The following NKAIN3 variants were observed in gnomAD, a reference collection of about 807,000 sequenced individuals.
The protein encoded by NKAIN3 is sodium/potassium-transporting ATPase subunit beta-1-interacting protein 3.
NKAIN3 carries 25 observed loss-of-function variants against 30.2 expected under a neutral mutation model. That is an observed-to-expected ratio of 0.83 (90% CI 0.60 to 1.16). NKAIN3 has a LOEUF of 1.16. Among genes scored for constraint, NKAIN3 ranks in the 50% most tolerant of loss-of-function variants. The probability of loss-of-function intolerance (pLI) is 0.00; values close to 1 mark genes in which losing one functional copy is unlikely to be tolerated. For synonymous variants in NKAIN3, 91 were observed against 89.6 expected, an observed-to-expected ratio of 1.02 and a Z score of -0.09; for missense variants, 225 against 254.1, an observed-to-expected ratio of 0.89 and a Z score of 0.78.
chr8:62,385,091 A>C (rs16928842), intron 1 of NKAIN3, among the ~76,000 whole-genome samples: 21,022 of 152,100 alleles, frequency 0.14, 1,734 homozygotes, highest in East Asian at 0.4. Context: ...GAAACAGACA[A>C]CACAATGTAA....
intron 4 of NKAIN3, among the ~76,000 whole-genome samples, chr8:62,835,599 A>G (rs533731728): frequency 6.6e-6 from 1 of 152,288 alleles, no homozygotes; most frequent in East Asian, 1.9e-4. Context: ...ATTGCTCAAT[A>G]TCATTATTCA....
At chr8:62,821,972 G>A (rs1348686689) in intron 4 of NKAIN3, among the ~76,000 whole-genome samples, 3 of 151,572 alleles carry the variant, frequency 2.0e-5, no homozygotes, top group African/African-American at 4.8e-5. Flanking sequence ...GCCTTGCTAC[G>A]GAAAAGCCTT....
At chr8:62,764,303 T>C (rs1034593681) in intron 4 of NKAIN3, among the ~76,000 whole-genome samples, 1 of 152,196 alleles carries the variant, frequency 6.6e-6, no homozygotes, top group African/African-American at 2.4e-5. Context: ...GGCTTTATTA[T>C]TTCTATATAT....
chr8:62,363,181 G>A (rs1294991431), intron 1 of NKAIN3, among the ~76,000 whole-genome samples: 6 of 152,208 alleles, frequency 3.9e-5, no homozygotes, highest in Admixed American at 3.3e-4. Context: ...TTCTGCTGCA[G>A]TCAATAGAAG....
intron 1 of NKAIN3, among the ~76,000 whole-genome samples, chr8:62,467,494 G>GCTCTGTCATA (rs1360100938): frequency 6.6e-6 from 1 of 151,954 alleles, no homozygotes; most frequent in African/African-American, 2.4e-5. Context: ...AATATAATTG[G>GCTCTGTCATA]CTCTGTCATA....
At chr8:62,337,262 G>A (rs906218124) in intron 1 of NKAIN3, among the ~76,000 whole-genome samples, 13 of 152,008 alleles carry the variant, frequency 8.6e-5, no homozygotes, top group Non-Finnish European at 1.8e-4. Flanking sequence ...TATTGAAAAG[G>A]AAGAGAGAGA....
chr8:62,369,889 C>T (rs902385685), intron 1 of NKAIN3, among the ~76,000 whole-genome samples: 1 of 151,730 alleles, frequency 6.6e-6, no homozygotes, highest in African/African-American at 2.4e-5. Context: ...TTGAGATAAA[C>T]TTACTGCTTA....
chr8:62,854,852 A>T (rs148101048), intron 4 of NKAIN3, among the ~76,000 whole-genome samples: 135 of 152,122 alleles, frequency 8.9e-4, no homozygotes, highest in African/African-American at 3.1e-3. Context: ...TCCTTTCCAT[A>T]TTTAGTGCTT....
chr8:62,261,385 GAA>G (rs1812435788), intron 1 of NKAIN3, among the ~76,000 whole-genome samples: 1 of 152,154 alleles, frequency 6.6e-6, no homozygotes, highest in African/African-American at 2.4e-5. Flanking sequence ...AAATGATTCA[GAA>G]CTGATAATGG....
At chr8:62,528,143 C>G (rs11786601) in intron 1 of NKAIN3, among the ~76,000 whole-genome samples, 1 of 149,922 alleles carries the variant, frequency 6.7e-6, no homozygotes, top group South Asian at 2.1e-4. Flanking sequence ...CATGGGTGGC[C>G]CCCAATTCAT....
intron 1 of NKAIN3, among the ~76,000 whole-genome samples, chr8:62,345,745 G>T (rs76705427): frequency 0.039 from 5,933 of 151,542 alleles, 422 homozygotes; most frequent in African/African-American, 0.14. Flanking sequence ...CTTTCCAAAT[G>T]GGGATATCCT....
At chr8:62,830,418 T>C (rs77291996) in intron 4 of NKAIN3, among the ~76,000 whole-genome samples, 13,559 of 152,126 alleles carry the variant, frequency 0.089, 852 homozygotes, top group East Asian at 0.27. Context: ...ATATAAATGG[T>C]AAATAGCATT....
Position 62,971,890 on chromosome 8 carries a change from A to G in NKAIN3, c.*6483A>G, listed in dbSNP as rs1823843409. On this transcript the variant is annotated 3_prime_UTR_variant, in exon 7 of 7. Coordinates refer to ENST00000623646, the MANE Select transcript of NKAIN3 (RefSeq NM_001304533.3). Reference sequence around the variant, plus strand: ...TCCTTATCTTGTCTTTGTGGTTAGAAAGAAATGAAAATAAATCAGTAGCAC... The same window carrying G: ...TCCTTATCTTGTCTTTGTGGTTAGAGAGAAATGAAAATAAATCAGTAGCAC... Among the ~76,000 whole-genome samples, 1 of 152,206 alleles carries G rather than the reference A, an allele frequency of 6.6e-6. No homozygotes were observed. The highest frequency in any genetic ancestry group is 1.5e-5 in the Non-Finnish European group (1 of 68,042).
chr8:62,698,613 C>T (rs1379989106), intron 3 of NKAIN3, among the ~76,000 whole-genome samples: 2 of 152,168 alleles, frequency 1.3e-5, no homozygotes, highest in Non-Finnish European at 2.9e-5. Flanking sequence ...TACATATACT[C>T]TACTGTGTAC....
chr8:62,944,074 T>C lies in NKAIN3; in HGVS notation c.533-9828T>C, dbSNP rs563998440. ...GGCACAGTGTATACTGCTTGGGTGA[T>C]GGGTGCACCAAAATCTCAGAAATCA... On this transcript the variant is annotated intron_variant, in intron 5 of 6. Transcript: ENST00000623646. 3.1e-4 allele frequency among the ~76,000 whole-genome samples: 47 copies of C among 152,154 alleles called. 1 individual carries two copies. The Middle Eastern group carries it at 0.01, about 33-fold the overall frequency.
rs191115456 is a variant in NKAIN3 at position 62,911,353 on chromosome 8, G to T, written c.472-7100G>T. ...TGTGGGATTTAACTTACCTGAGTTT[G>T]TTGTGGAGGAATAATCATTGGAATA... On this transcript the variant is annotated intron_variant, in intron 4 of 6. Coordinates refer to ENST00000623646, the MANE Select transcript of NKAIN3 (RefSeq NM_001304533.3). 2.5e-3 allele frequency among the ~76,000 whole-genome samples: 377 copies of T among 152,172 alleles called. 2 individuals carry two copies. The highest frequency in any genetic ancestry group is 8.9e-3 in the African/African-American group (368 of 41,524).
chr8:62,853,914 G>C (rs1819986639), intron 4 of NKAIN3, among the ~76,000 whole-genome samples: 1 of 152,104 alleles, frequency 6.6e-6, no homozygotes, highest in Non-Finnish European at 1.5e-5. Flanking sequence ...GCTCTCATTA[G>C]TTTCAAAGAA....
chr8:62,373,923 G>A (rs1462481715), intron 1 of NKAIN3, among the ~76,000 whole-genome samples: 2 of 151,736 alleles, frequency 1.3e-5, no homozygotes, highest in Non-Finnish European at 2.9e-5. Context: ...AACCAACCTG[G>A]GCAACATGGT....
Position 62,249,239 on chromosome 8 carries a change from G to A in NKAIN3, c.54+112G>A, listed in dbSNP as rs554753283. ...GGCAAGGGGCGAACGGGTGAACAGG[G>A]CGCTCCGCCCGCCTCCCACCCTCCC... is the stretch of plus-strand genomic sequence containing the variant. On this transcript the variant is annotated intron_variant, in intron 1 of 6. Transcript: ENST00000623646. The A allele has an allele frequency of 3.6e-3, 3,235 of 905,222 alleles. 13 individuals carry two copies. Among genetic ancestry groups the A allele is most frequent in the Non-Finnish European group, 4.3e-3 (2,663 of 625,082 alleles). 56.1% of individuals were successfully genotyped at this position (905,222 alleles called of 1,614,324 possible).
Sources: allele counts gnomAD v4.1 joint callset (sites outside exome capture counted in the v4.1 genomes callset), GRCh38; gene constraint gnomAD v4.1.1; transcripts MANE v1.5; gene names NCBI Gene and HGNC (gene_info 2026-07-23, HGNC 2026-07-21).